Variants in PCDH15 observed in about 807,000 individuals in gnomAD.
PCDH15 encodes protocadherin related 15.
A neutral mutation model predicts 178.5 loss-of-function variants in PCDH15; 129 were observed. That is an observed-to-expected ratio of 0.72 (90% CI 0.63 to 0.84). The LOEUF (loss-of-function observed/expected upper bound fraction) is 0.84, where lower values mean the gene tolerates loss of function less well. PCDH15 is among the 40% of genes least tolerant of loss of function. PCDH15 has a pLI of 0.00. For synonymous variants in PCDH15, 800 were observed against 732.0 expected (o/e 1.09, Z -1.50); for missense variants, 2,230 against 2,099.9 (o/e 1.06, Z -1.21).
chr10:54,273,585 G>T (rs1424885111), intron 8 of PCDH15, among the ~76,000 whole-genome samples: 1 of 151,902 alleles, frequency 6.6e-6, no homozygotes, highest in Non-Finnish European at 1.5e-5. Flanking sequence ...ATATAAAATA[G>T]AGACACTTAA....
chr10:55,040,996 G>A (rs1840851362), intron 2 of PCDH15, among the ~76,000 whole-genome samples: 1 of 151,840 alleles, frequency 6.6e-6, no homozygotes, highest in Non-Finnish European at 1.5e-5. Flanking sequence ...ATATTTATTA[G>A]CAATCCAATT....
chr10:54,679,362 A>G (rs1327238450), intron 1 of PCDH15, among the ~76,000 whole-genome samples: 1 of 152,184 alleles, frequency 6.6e-6, no homozygotes, highest in Non-Finnish European at 1.5e-5. Flanking sequence ...GTAGACAAAT[A>G]AAAAACACAC....
intron 1 of PCDH15, among the ~76,000 whole-genome samples, chr10:54,764,266 A>G (rs1273532086): frequency 1.3e-5 from 2 of 152,102 alleles, no homozygotes; most frequent in African/African-American, 4.8e-5. Flanking sequence ...GTACAAGAAC[A>G]CAGTAAATAG....
intron 1 of PCDH15, among the ~76,000 whole-genome samples, chr10:54,697,985 T>TACTC (rs71014405): frequency 0.8 from 120,677 of 151,218 alleles, 49,828 homozygotes; most frequent in Non-Finnish European, 0.93. Context: ...CCTAAATCAA[T>TACTC]ACTCATCCTG....
At chr10:54,369,094 C>CAG in intron 5 of PCDH15, 26 bp downstream of exon 5, 1 of 1,610,848 alleles carries the variant, frequency 6.2e-7, no homozygotes, top group Non-Finnish European at 8.5e-7. Flanking sequence ...ACAGAAAGGA[C>CAG]AGAGAGAGAG....
At chr10:54,150,371 C>T (rs201422770) in intron 14 of PCDH15, among the ~76,000 whole-genome samples, 1 of 151,990 alleles carries the variant, frequency 6.6e-6, no homozygotes, top group African/African-American at 2.4e-5. Flanking sequence ...ATCAAGTTTC[C>T]TACACCTGGT....
At chr10:54,852,140 A>G (rs1953633236) in intron 3 of PCDH15, among the ~76,000 whole-genome samples, 1 of 152,242 alleles carries the variant, frequency 6.6e-6, no homozygotes, top group African/African-American at 2.4e-5. Flanking sequence ...GTCTGCAGAC[A>G]TAAGTGACAA....
chr10:54,534,946 G>A (rs1014515785), intron 2 of PCDH15, among the ~76,000 whole-genome samples: 1 of 152,130 alleles, frequency 6.6e-6, no homozygotes, highest in Non-Finnish European at 1.5e-5. Flanking sequence ...AATCTAACTT[G>A]TATGATCTAA....
At chr10:54,138,310 T>C (rs2043073186) in intron 14 of PCDH15, among the ~76,000 whole-genome samples, 1 of 152,028 alleles carries the variant, frequency 6.6e-6, no homozygotes, top group African/African-American at 2.4e-5. Context: ...TTGGCTCCTC[T>C]CAATTTGAGA....
intron 14 of PCDH15, among the ~76,000 whole-genome samples, chr10:54,143,108 T>A (rs1359588940): frequency 6.6e-6 from 1 of 152,124 alleles, no homozygotes; most frequent in Non-Finnish European, 1.5e-5. Flanking sequence ...GAGAGACATG[T>A]AAGGCTTATT....
intron 2 of PCDH15, among the ~76,000 whole-genome samples, chr10:55,480,688 A>G (rs1565182106): frequency 6.6e-6 from 1 of 151,952 alleles, no homozygotes; most frequent in Non-Finnish European, 1.5e-5. Context: ...AGCCTATTTA[A>G]TCATGGTGGA....
intron 8 of PCDH15, among the ~76,000 whole-genome samples, chr10:54,265,037 G>A (rs528242831): frequency 6.6e-6 from 1 of 152,030 alleles, no homozygotes; most frequent in South Asian, 2.1e-4. Flanking sequence ...ACCCACAAAG[G>A]GAACCCCATC....
chr10:54,132,815 G>T, intron 15 of PCDH15, 60 bp downstream of exon 15: 1 of 1,556,768 alleles, frequency 6.4e-7, no homozygotes, highest in South Asian at 1.2e-5. Flanking sequence ...CTCATTAAAT[G>T]CCAAGCTTGT....
At chr10:55,588,482 C>T (rs1271064731) in intron 2 of PCDH15, among the ~76,000 whole-genome samples, 1 of 152,014 alleles carries the variant, frequency 6.6e-6, no homozygotes, top group Non-Finnish European at 1.5e-5. Flanking sequence ...AAAGAAAGCT[C>T]GCACAAATGC....
intron 2 of PCDH15, among the ~76,000 whole-genome samples, chr10:54,954,934 T>G (rs1483106685): frequency 6.6e-6 from 1 of 151,268 alleles, no homozygotes; most frequent in African/African-American, 2.4e-5. Flanking sequence ...GAATATGTCT[T>G]ATACATATAT....
chr10:54,700,041 A>G (rs1348974039), intron 1 of PCDH15, among the ~76,000 whole-genome samples: 2 of 152,074 alleles, frequency 1.3e-5, no homozygotes, highest in Non-Finnish European at 2.9e-5. Context: ...GGGCTAAACT[A>G]ACAAAGCTAG....
intron 20 of PCDH15, among the ~76,000 whole-genome samples, chr10:54,010,231 C>A (rs866910280): frequency 3.5e-5 from 5 of 143,258 alleles, no homozygotes; most frequent in African/African-American, 7.3e-5. Context: ...CCCAACACAG[C>A]GCAGTTTCCT....
chr10:54,693,805 G>GA (rs2095171915), intron 1 of PCDH15, among the ~76,000 whole-genome samples: 1 of 152,050 alleles, frequency 6.6e-6, no homozygotes, highest in African/African-American at 2.4e-5. Flanking sequence ...AATTACTTGG[G>GA]AAAATTCTCA....
At chr10:54,176,327 A>T (rs2047437913) in intron 13 of PCDH15, among the ~76,000 whole-genome samples, 1 of 152,174 alleles carries the variant, frequency 6.6e-6, no homozygotes, top group South Asian at 2.1e-4. Context: ...CATGTGGGAG[A>T]TACAGTTGAT....
Sources: allele counts gnomAD v4.1 joint callset (sites outside exome capture counted in the v4.1 genomes callset), GRCh38; gene constraint gnomAD v4.1.1; transcripts MANE v1.5; gene names NCBI Gene and HGNC (gene_info 2026-07-23, HGNC 2026-07-21).